TRMT11: variants seen among roughly 807,000 people sequenced by gnomAD.
The protein encoded by TRMT11 is tRNA (guanine(10)-N(2))-methyltransferase TRMT11.
TRMT11 carries 53 observed loss-of-function variants against 62.8 expected under a neutral mutation model. That is an observed-to-expected ratio of 0.84 (90% CI 0.68 to 1.06). TRMT11 has a LOEUF of 1.06. TRMT11 is among the 50% of genes least tolerant of loss of function. The probability of loss-of-function intolerance (pLI) is 0.00; values close to 1 mark genes in which losing one functional copy is unlikely to be tolerated. For missense variants in TRMT11, 556 were observed against 553.4 expected, an observed-to-expected ratio of 1.00 and a Z score of -0.05; for synonymous variants, 188 against 190.3, an observed-to-expected ratio of 0.99 and a Z score of 0.10.
intron 1 of TRMT11, among the ~76,000 whole-genome samples, chr6:125,988,296 C>T (rs1790008020): frequency 6.6e-6 from 1 of 152,142 alleles, no homozygotes; most frequent in African/African-American, 2.4e-5. Flanking sequence ...GTTTAGTAAT[C>T]ACTGGAAAGT....
At chr6:126,258,566 G>C in the TRMT11 span, among the ~76,000 whole-genome samples, 2 of 152,150 alleles carry the variant, frequency 1.3e-5, no homozygotes, top group Non-Finnish European at 2.9e-5. Context: ...CTCACTCTTT[G>C]GTCTGTTCAG....
At chr6:126,107,749 A>G (rs943735761) in intron 17 of TRMT11, among the ~76,000 whole-genome samples, 1 of 152,188 alleles carries the variant, frequency 6.6e-6, no homozygotes, top group Non-Finnish European at 1.5e-5. Flanking sequence ...CCTTATTGAG[A>G]TAGATTCCCT....
At chr6:126,052,946 T>G (rs1776260066) in intron 16 of TRMT11, among the ~76,000 whole-genome samples, 1 of 152,186 alleles carries the variant, frequency 6.6e-6, no homozygotes. Flanking sequence ...GCAGGACTGG[T>G]GCTGTGTGAT....
the TRMT11 span, among the ~76,000 whole-genome samples, chr6:126,240,101 G>A: frequency 6.6e-6 from 1 of 152,058 alleles, no homozygotes; most frequent in Non-Finnish European, 1.5e-5. Flanking sequence ...ATTCTAGTTA[G>A]CCATTCGTCT....
intron 12 of TRMT11, among the ~76,000 whole-genome samples, chr6:126,028,382 A>G (rs569577876): frequency 1.2e-4 from 18 of 152,290 alleles, no homozygotes; most frequent in African/African-American, 3.9e-4. Flanking sequence ...ATCACCATCA[A>G]AGTTCATGTG....
intron 12 of TRMT11, among the ~76,000 whole-genome samples, chr6:126,027,892 A>G (rs1361667994): frequency 6.6e-6 from 1 of 152,170 alleles, no homozygotes; most frequent in Non-Finnish European, 1.5e-5. Context: ...ATTTTTTTAA[A>G]CAAAGGAGAT....
chr6:126,193,490 A>ATTTTTTTTTTT (rs60064329), intron 1 of TRMT11, among the ~76,000 whole-genome samples: 7 of 73,284 alleles, frequency 9.6e-5, no homozygotes, highest in Admixed American at 3.5e-4. Flanking sequence ...GCGTTTCTGT[A>ATTTTTTTTTTT]TTTTTTTTTT....
chr6:126,017,194 T>C (rs932459304), intron 11 of TRMT11, among the ~76,000 whole-genome samples: 2 of 152,182 alleles, frequency 1.3e-5, no homozygotes, highest in Non-Finnish European at 2.9e-5. Context: ...AAGTCTTTTG[T>C]ATTTTTGGTG....
At chr6:126,077,370 A>C (rs960067896) in intron 17 of TRMT11, among the ~76,000 whole-genome samples, 4 of 152,212 alleles carry the variant, frequency 2.6e-5, no homozygotes, top group African/African-American at 9.6e-5. Flanking sequence ...TCACTACAGC[A>C]TCCAACCTGC....
intron 21 of TRMT11, among the ~76,000 whole-genome samples, chr6:126,151,905 C>CTCTTTCTT (rs66890632): frequency 0.086 from 6,932 of 80,288 alleles, 715 homozygotes; most frequent in East Asian, 0.27. Flanking sequence ...TCTTTCTTTT[C>CTCTTTCTT]TCTTTCTTTC....
At chr6:126,165,792 G>A (rs1267744890) in intron 21 of TRMT11, among the ~76,000 whole-genome samples, 1 of 152,074 alleles carries the variant, frequency 6.6e-6, no homozygotes, top group Non-Finnish European at 1.5e-5. Flanking sequence ...GTATCTTTGT[G>A]GTATTCTCTG....
intron 1 of TRMT11, among the ~76,000 whole-genome samples, chr6:126,188,087 A>C (rs1236550978): frequency 6.6e-6 from 1 of 151,874 alleles, no homozygotes; most frequent in Admixed American, 6.6e-5. Context: ...CAAAAGCACG[A>C]ATTTTAAAAG....
intron 21 of TRMT11, among the ~76,000 whole-genome samples, chr6:126,146,383 G>A (rs976047081): frequency 3.9e-5 from 6 of 152,180 alleles, no homozygotes; most frequent in African/African-American, 1.4e-4. Flanking sequence ...GTAGCAGCAG[G>A]ATTAGGCGAT....
At chr6:126,032,895 G>T (rs1774473327) in intron 12 of TRMT11, among the ~76,000 whole-genome samples, 1 of 152,140 alleles carries the variant, frequency 6.6e-6, no homozygotes, top group African/African-American at 2.4e-5. Flanking sequence ...GGAAGAGTAG[G>T]AACAGATAGT....
chr6:126,243,132 A>G, the TRMT11 span, among the ~76,000 whole-genome samples: 264 of 152,362 alleles, frequency 1.7e-3, 2 homozygotes, highest in African/African-American at 6.1e-3. Context: ...AAGGATATGA[A>G]CAGACACTTC....
chr6:126,210,919 A>G, the TRMT11 span, among the ~76,000 whole-genome samples: 1 of 151,080 alleles, frequency 6.6e-6, no homozygotes, highest in Non-Finnish European at 1.5e-5. Context: ...CATCTACTCT[A>G]TCCCCCACAA....
At chr6:126,239,877 T>C in the TRMT11 span, among the ~76,000 whole-genome samples, 1 of 152,232 alleles carries the variant, frequency 6.6e-6, no homozygotes, top group East Asian at 1.9e-4. Flanking sequence ...TTTCACATAG[T>C]CCTATATTTC....
At chr6:126,166,079 A>G (rs138750566) in intron 21 of TRMT11, among the ~76,000 whole-genome samples, 3 of 151,894 alleles carry the variant, frequency 2.0e-5, no homozygotes, top group Non-Finnish European at 4.4e-5. Flanking sequence ...CGATTTGGCT[A>G]TTCATACTTG....
chr6:126,252,495 C>T, the TRMT11 span, among the ~76,000 whole-genome samples: 3 of 152,128 alleles, frequency 2.0e-5, no homozygotes, highest in Non-Finnish European at 4.4e-5. Context: ...ATCCAACATA[C>T]TTTATTGGTT....
Sources: allele counts gnomAD v4.1 joint callset (sites outside exome capture counted in the v4.1 genomes callset), GRCh38; gene constraint gnomAD v4.1.1; transcripts MANE v1.5; gene names NCBI Gene and HGNC (gene_info 2026-07-23, HGNC 2026-07-21).